Variants in TRAPPC9 observed in about 807,000 individuals in gnomAD.
The protein encoded by TRAPPC9 is IKK2 binding protein.
In TRAPPC9, 83 loss-of-function variants were observed where a neutral mutation model predicts 124.0. That is an observed-to-expected ratio of 0.67 (90% confidence interval 0.56 to 0.80). The LOEUF (loss-of-function observed/expected upper bound fraction) is 0.80. TRAPPC9 is among the 30% of genes least tolerant of loss of function. The pLI is 0.00. For synonymous variants in TRAPPC9, 638 were observed against 617.5 expected (o/e 1.03, Z -0.49); for missense variants, 1,302 against 1,508.3 (o/e 0.86, Z 2.27).
intron 21 of TRAPPC9, among the ~76,000 whole-genome samples, chr8:139,734,363 T>C (rs1168474957): frequency 6.6e-6 from 1 of 152,228 alleles, no homozygotes; most frequent in Non-Finnish European, 1.5e-5. Context: ...GATGAGGACA[T>C]GGCCTGTGCT....
chr8:139,914,927 T>A (rs1832015718), intron 19 of TRAPPC9: 1 of 152,184 alleles, frequency 6.6e-6, no homozygotes, highest in African/African-American at 2.4e-5. Flanking sequence ...GTGACACATA[T>A]CAGAGAATAT....
intron 16 of TRAPPC9, among the ~76,000 whole-genome samples, chr8:140,234,906 A>G (rs1008558380): frequency 6.6e-6 from 1 of 152,258 alleles, no homozygotes; most frequent in Non-Finnish European, 1.5e-5. Context: ...AAGATTTCCT[A>G]AACAAAAATT....
intron 16 of TRAPPC9, among the ~76,000 whole-genome samples, chr8:140,223,197 C>A (rs558916527): frequency 1.3e-5 from 2 of 152,118 alleles, no homozygotes; most frequent in African/African-American, 2.4e-5. Flanking sequence ...CAGGCCCCAG[C>A]GTGTGTTGTT....
intron 18 of TRAPPC9, among the ~76,000 whole-genome samples, chr8:140,019,678 G>A (rs572089711): frequency 8.1e-5 from 12 of 148,234 alleles, no homozygotes; most frequent in African/African-American, 2.2e-4. Flanking sequence ...TCAGCCTTCC[G>A]AGTGGCTGGA....
intron 19 of TRAPPC9, among the ~76,000 whole-genome samples, chr8:139,965,581 A>C (rs1835647495): frequency 6.6e-6 from 1 of 152,220 alleles, no homozygotes; most frequent in Non-Finnish European, 1.5e-5. Context: ...AAGGTTTCCA[A>C]GGCAAAGAAG....
chr8:140,433,316 C>T (rs1015450157), intron 4 of TRAPPC9, among the ~76,000 whole-genome samples: 4 of 143,914 alleles, frequency 2.8e-5, no homozygotes, highest in Non-Finnish European at 4.6e-5. Flanking sequence ...AGGCCAGGAG[C>T]GGTGGCTCAC....
chr8:140,033,691 T>TTTG, intron 17 of TRAPPC9, among the ~76,000 whole-genome samples: 1 of 110,176 alleles, frequency 9.1e-6, no homozygotes, highest in Non-Finnish European at 1.7e-5. Flanking sequence ...TTTTTTTTTT[T>TTTG]TTTTTTTTGA....
intron 10 of TRAPPC9, among the ~76,000 whole-genome samples, chr8:140,301,177 G>A (rs967910113): frequency 6.6e-6 from 1 of 152,196 alleles, no homozygotes; most frequent in African/African-American, 2.4e-5. Flanking sequence ...CCATGAGAAG[G>A]TCAACAGCAC....
rs2126127 is a variant in TRAPPC9 at position 139,776,119 on chromosome 8, G to A, written c.3056-43917C>T. On this transcript the variant is annotated intron_variant, in intron 21 of 22. Coordinates refer to ENST00000438773, the MANE Select transcript of TRAPPC9 (RefSeq NM_001160372.4). The surrounding 1 kb of genome is among the most constrained non-coding windows in gnomAD (Gnocchi z 4.1). Reference sequence around the variant, plus strand: ...ACCTCCTTCCTGAGGACAAGAGGACGAGGCTGGACTCTGCCAGGACCACGT... The same window carrying A: ...ACCTCCTTCCTGAGGACAAGAGGACAAGGCTGGACTCTGCCAGGACCACGT... Among the ~76,000 whole-genome samples, 83,350 of 152,074 alleles carry A rather than the reference G, an allele frequency of 0.55. 23,117 individuals carry two copies. Among genetic ancestry groups the A allele is most frequent in the Non-Finnish European group, 0.57 (38,897 of 67,974 alleles).
chr8:139,852,408 GC>G (rs1054982452), intron 21 of TRAPPC9, among the ~76,000 whole-genome samples: 11 of 152,106 alleles, frequency 7.2e-5, no homozygotes, highest in African/African-American at 2.7e-4. Flanking sequence ...ATGGGTTGAT[GC>G]CCGCCTTCCC....
At chr8:139,964,014 G>A (rs1835528065) in intron 19 of TRAPPC9, among the ~76,000 whole-genome samples, 1 of 151,970 alleles carries the variant, frequency 6.6e-6, no homozygotes, top group African/African-American at 2.4e-5. Flanking sequence ...CACGAGGTCA[G>A]GAGATCAAGA....
At chr8:140,076,458 T>C (rs1843515709) in intron 17 of TRAPPC9, among the ~76,000 whole-genome samples, 1 of 152,300 alleles carries the variant, frequency 6.6e-6, no homozygotes, top group African/African-American at 2.4e-5. Flanking sequence ...AGCCAGGATC[T>C]AGCTAGGATC....
At chr8:140,221,661 CG>C (rs914297623) in intron 16 of TRAPPC9, 78 bp from the exon 17 acceptor site, 15 of 1,527,122 alleles carry the variant, frequency 9.8e-6, no homozygotes, top group Non-Finnish European at 1.1e-5. Flanking sequence ...TTGTTTGGGA[CG>C]GGTCTCGCTC....
intron 21 of TRAPPC9, among the ~76,000 whole-genome samples, chr8:139,747,578 G>A (rs1429388140): frequency 9.3e-4 from 68 of 73,084 alleles, no homozygotes; most frequent in African/African-American, 1.8e-3. Context: ...AGTGGGTGTG[G>A]GGGTGTCCCG....
At chr8:140,410,433 G>A (rs2069664143) in intron 5 of TRAPPC9, among the ~76,000 whole-genome samples, 1 of 152,092 alleles carries the variant, frequency 6.6e-6, no homozygotes, top group Admixed American at 6.6e-5. Flanking sequence ...CTACTCAGGA[G>A]GCTGAGGCAC....
intron 21 of TRAPPC9, among the ~76,000 whole-genome samples, chr8:139,855,747 G>A (rs772458721): frequency 3.1e-4 from 47 of 152,214 alleles, no homozygotes; most frequent in Non-Finnish European, 5.3e-4. Flanking sequence ...GTCTTCTGCC[G>A]CAAGCCCGCT....
At chr8:139,933,274 C>T (rs1833309766) in intron 19 of TRAPPC9, 1 of 152,260 alleles carries the variant, frequency 6.6e-6, no homozygotes, top group East Asian at 1.9e-4. Context: ...GGAATAGAGC[C>T]TAATTAGCGC....
chr8:140,180,382 TTA>T lies in TRAPPC9; in HGVS notation c.2556+41075_2556+41076del, dbSNP rs144929776. ...TCCTATGTTTGTCATATTTTTTCCT[TTA>T]TATATGTTTTAAAGACATAATAGTA... On this transcript the variant is annotated intron_variant, in intron 17 of 22. Transcript: ENST00000438773. Among the ~76,000 whole-genome samples, 1,324 of 152,218 alleles carry T rather than the reference TTA, an allele frequency of 8.7e-3. 10 individuals carry two copies. The highest frequency in any genetic ancestry group is 0.015 in the Non-Finnish European group (999 of 67,978).
At chr8:139,941,659 C>T (rs1012383496) in intron 19 of TRAPPC9, among the ~76,000 whole-genome samples, 1 of 152,218 alleles carries the variant, frequency 6.6e-6, no homozygotes, top group Non-Finnish European at 1.5e-5. Flanking sequence ...CTACAACAGA[C>T]TGGTTTGCCC....
Sources: gnomAD v4.1 joint callset for allele counts (sites outside exome capture counted in the v4.1 genomes callset) on GRCh38, gnomAD v4.1.1 for gene constraint, Gnocchi (gnomAD v3.1) non-coding constraint, MANE v1.5 for transcripts, NCBI Gene and HGNC (gene_info 2026-07-23, HGNC 2026-07-21) for gene names.